EYS: variants seen among roughly 807,000 people sequenced by gnomAD.
EYS encodes the protein protein eyes shut homolog.
In EYS, 250 loss-of-function variants were observed where a neutral mutation model predicts 282.1. The ratio of observed to expected loss-of-function variants is 0.89; its 90% CI spans 0.80 to 0.98. The LOEUF is 0.98. EYS is among the 50% of genes least tolerant of loss of function. The pLI, the probability that EYS is intolerant of heterozygous loss-of-function variation, is 0.00. For missense variants in EYS, 4,016 were observed against 3,709.0 expected, an observed-to-expected ratio of 1.08 and a Z score of -2.15; for synonymous variants, 1,355 against 1,282.9, an observed-to-expected ratio of 1.06 and a Z score of -1.20.
rs144427832 is a variant in EYS, at chr6:63,782,765, A to T, written c.7724-4585T>A. On this transcript the variant is annotated intron_variant, in intron 39 of 42. Transcript: ENST00000503581. ...CTCTATCTCCTTCAGTTCTGCTCTG[A>T]TCTTAGTTATTTATTGCCTTCTGCT... Among the ~76,000 whole-genome samples, 1,122 of 151,962 alleles carry T rather than the reference A, an allele frequency of 7.4e-3. 8 individuals carry two copies. The highest frequency in any genetic ancestry group is 0.014 in the Middle Eastern group (4 of 294).
intron 31 of EYS, among the ~76,000 whole-genome samples, chr6:64,124,832 A>G (rs114318744): frequency 0.019 from 2,933 of 152,110 alleles, 80 homozygotes; most frequent in African/African-American, 0.067. Context: ...AGGGAGTTGG[A>G]AGAAGTGAGG....
chr6:64,460,637 A>G (rs1775714183), intron 26 of EYS, among the ~76,000 whole-genome samples: 1 of 152,182 alleles, frequency 6.6e-6, no homozygotes, highest in East Asian at 1.9e-4. Flanking sequence ...AGTGTATTTT[A>G]TTTCACAATC....
At chr6:65,588,985 T>G (rs557039397) in intron 2 of EYS, among the ~76,000 whole-genome samples, 1 of 152,164 alleles carries the variant, frequency 6.6e-6, no homozygotes, top group South Asian at 2.1e-4. Flanking sequence ...ATGAGGCTAT[T>G]ATATAATAGT....
At chr6:63,878,475 G>T (rs1317884266) in intron 35 of EYS, among the ~76,000 whole-genome samples, 2 of 152,184 alleles carry the variant, frequency 1.3e-5, no homozygotes, top group Non-Finnish European at 2.9e-5. Flanking sequence ...CAAACTCCAT[G>T]CTCGGAGAAC....
intron 12 of EYS, among the ~76,000 whole-genome samples, chr6:65,121,593 G>T (rs959123006): frequency 4.6e-5 from 7 of 152,092 alleles, no homozygotes; most frequent in Non-Finnish European, 2.9e-5. Context: ...TATTTTGGGG[G>T]GAGTGAGTGA....
At chr6:65,668,114 C>T (rs1768261637) in intron 1 of EYS, among the ~76,000 whole-genome samples, 2 of 151,824 alleles carry the variant, frequency 1.3e-5, no homozygotes, top group South Asian at 4.1e-4. Flanking sequence ...TTTAGATCCC[C>T]TTTGCCCACT....
intron 12 of EYS, among the ~76,000 whole-genome samples, chr6:65,177,383 A>G (rs1007881229): frequency 1.3e-5 from 2 of 151,850 alleles, no homozygotes; most frequent in African/African-American, 2.4e-5. Flanking sequence ...CATTATGTTA[A>G]TATCTTTCTA....
At chr6:65,336,072 T>C (rs929660743) in intron 10 of EYS, among the ~76,000 whole-genome samples, 3 of 151,754 alleles carry the variant, frequency 2.0e-5, no homozygotes, top group African/African-American at 7.2e-5. Context: ...TCTGCCATGA[T>C]TGTAAGTTTT....
At chr6:65,008,495 C>T (rs1173697146) in intron 13 of EYS, among the ~76,000 whole-genome samples, 1 of 152,118 alleles carries the variant, frequency 6.6e-6, no homozygotes, top group Admixed American at 6.5e-5. Flanking sequence ...AGTCATGGCC[C>T]TCAGGCAAGC....
intron 28 of EYS, among the ~76,000 whole-genome samples, chr6:64,405,798 C>A (rs1773688299): frequency 6.6e-6 from 1 of 152,242 alleles, no homozygotes; most frequent in East Asian, 1.9e-4. Context: ...AGGAGAACTA[C>A]AAACCAATGC....
intron 26 of EYS, among the ~76,000 whole-genome samples, chr6:64,571,073 A>G (rs1033335575): frequency 6.6e-6 from 1 of 152,178 alleles, no homozygotes; most frequent in Non-Finnish European, 1.5e-5. Flanking sequence ...ATATCACAAC[A>G]AACAGTCTCT....
intron 22 of EYS, among the ~76,000 whole-genome samples, chr6:64,802,555 T>TTTATAAAATCCTAAA (rs1179384852): frequency 6.6e-6 from 1 of 152,174 alleles, no homozygotes; most frequent in Non-Finnish European, 1.5e-5. Context: ...ATTATCCTAA[T>TTTATAAAATCCTAAA]TTATAAAATT....
intron 36 of EYS, among the ~76,000 whole-genome samples, chr6:63,844,994 T>C (rs1018528847): frequency 6.6e-6 from 1 of 152,180 alleles, no homozygotes. Context: ...TAGTTTTGGG[T>C]TTTACATTTA....
chr6:63,788,054 C>T (rs1297692661), intron 39 of EYS, 51 bp downstream of exon 39: 4 of 1,357,984 alleles, frequency 2.9e-6, no homozygotes, highest in Admixed American at 2.9e-5. Context: ...TATTTTTTTC[C>T]CTCAACATTT....
Position 65,063,376 on chromosome 6 carries a change from C to T in EYS, c.2024-5649G>A, listed in dbSNP as rs140905227. On this transcript the variant is annotated intron_variant, in intron 12 of 42. Transcript: ENST00000503581. Reference sequence around the variant, plus strand: ...ATTCTAAACAAAAGTCTTACTTTAACATAAAAATCTCACTGTATAGCACGT... The same window carrying T: ...ATTCTAAACAAAAGTCTTACTTTAATATAAAAATCTCACTGTATAGCACGT... Among the ~76,000 whole-genome samples the T allele has an allele frequency of 5.1e-3, 773 of 152,008 alleles. 6 individuals are homozygous for T. Among genetic ancestry groups the T allele is most frequent in the African/African-American group, 0.018 (738 of 41,510 alleles).
At chr6:64,738,045 T>C (rs1429893291) in intron 22 of EYS, among the ~76,000 whole-genome samples, 1 of 100,496 alleles carries the variant, frequency 1.0e-5, no homozygotes, top group African/African-American at 3.2e-5. Context: ...TGGTAGCATG[T>C]GTACTATCGA....
At chr6:64,940,076 C>A (rs559758493) in intron 15 of EYS, among the ~76,000 whole-genome samples, 69 of 152,044 alleles carry the variant, frequency 4.5e-4, no homozygotes, top group Non-Finnish European at 5.6e-4. Context: ...TTACCATAAA[C>A]CTAATAATAA....
chr6:64,018,113 C>T (rs942276377), intron 33 of EYS, among the ~76,000 whole-genome samples: 1 of 151,816 alleles, frequency 6.6e-6, no homozygotes, highest in Non-Finnish European at 1.5e-5. Flanking sequence ...CACACTTATA[C>T]ACACACACAC....
chr6:64,942,062 T>C (rs1583315310), intron 15 of EYS, among the ~76,000 whole-genome samples: 1 of 152,136 alleles, frequency 6.6e-6, no homozygotes, highest in Non-Finnish European at 1.5e-5. Context: ...CTGAACTAAT[T>C]TATATCCCAA....
Sources: allele counts gnomAD v4.1 joint callset (sites outside exome capture counted in the v4.1 genomes callset), GRCh38; gene constraint gnomAD v4.1.1; transcripts MANE v1.5; gene names NCBI Gene and HGNC (gene_info 2026-07-23, HGNC 2026-07-21).